TNIK: variants seen among roughly 807,000 people sequenced by gnomAD.
TNIK encodes TRAF2 and NCK-interacting protein kinase.
Under a neutral mutation model 191.3 loss-of-function variants are expected in TNIK, and 49 were observed. The ratio of observed to expected loss-of-function variants is 0.26; its 90% CI spans 0.20 to 0.32. The LOEUF is 0.32. Ranked by LOEUF, TNIK falls within the 10% of genes least tolerant of loss-of-function variation. The probability of loss-of-function intolerance (pLI) is 1.00; values close to 1 mark genes in which losing one functional copy is unlikely to be tolerated. For synonymous variants in TNIK, 594 were observed against 600.9 expected (o/e 0.99, Z 0.17); for missense variants, 1,155 against 1,702.3 (o/e 0.68, Z 5.66).
intron 2 of TNIK, among the ~76,000 whole-genome samples, chr3:171,295,025 GA>G (rs1033149968): frequency 2.7e-5 from 4 of 150,542 alleles, no homozygotes; most frequent in Non-Finnish European, 4.4e-5. Flanking sequence ...GAGAGAGAGA[GA>G]GGAAAAAAAA....
intron 28 of TNIK, among the ~76,000 whole-genome samples, chr3:171,078,558 G>C (rs971366262): frequency 2.6e-5 from 4 of 151,024 alleles, no homozygotes; most frequent in Non-Finnish European, 5.9e-5. Context: ...ATAGTTTCTT[G>C]CTTCCTTCCT....
intron 1 of TNIK, among the ~76,000 whole-genome samples, chr3:171,459,773 C>G (rs1190415140): frequency 6.6e-6 from 1 of 151,974 alleles, no homozygotes; most frequent in Non-Finnish European, 1.5e-5. Flanking sequence ...TCTACGAGCC[C>G]TCGGGAGAGC....
chr3:171,298,627 G>T (rs1269924409), intron 2 of TNIK, among the ~76,000 whole-genome samples: 3 of 152,178 alleles, frequency 2.0e-5, no homozygotes, highest in Admixed American at 1.3e-4. Context: ...TGCAGATGTT[G>T]TGGCTATAGG....
chr3:171,168,014 T>C (rs1314328981), intron 9 of TNIK, among the ~76,000 whole-genome samples: 1 of 152,176 alleles, frequency 6.6e-6, no homozygotes, highest in African/African-American at 2.4e-5. Context: ...AAATTTATCT[T>C]CCTCTAGAAA....
chr3:171,097,486 C>T (rs58791037), intron 22 of TNIK, among the ~76,000 whole-genome samples: 4,113 of 152,268 alleles, frequency 0.027, 185 homozygotes, highest in African/African-American at 0.087. Context: ...TCCATAATCC[C>T]ACGACATGGG....
intron 2 of TNIK, among the ~76,000 whole-genome samples, chr3:171,253,890 A>C (rs1746547565): frequency 6.6e-6 from 1 of 152,344 alleles, no homozygotes; most frequent in African/African-American, 2.4e-5. Context: ...GAAATCAATA[A>C]AACAAAGAAT....
chr3:171,212,285 A>C (rs1740930425), intron 3 of TNIK, among the ~76,000 whole-genome samples: 1 of 151,774 alleles, frequency 6.6e-6, no homozygotes, highest in African/African-American at 2.4e-5. Flanking sequence ...TCTTCACATA[A>C]GCTCTACTCA....
At chr3:171,249,933 C>A (rs1746045482) in intron 2 of TNIK, among the ~76,000 whole-genome samples, 1 of 152,166 alleles carries the variant, frequency 6.6e-6, no homozygotes, top group Non-Finnish European at 1.5e-5. Context: ...TAAGGTTTTA[C>A]ATGATTACTA....
At chr3:171,424,031 T>G (rs1258968573) in intron 1 of TNIK, among the ~76,000 whole-genome samples, 1 of 152,068 alleles carries the variant, frequency 6.6e-6, no homozygotes, top group Non-Finnish European at 1.5e-5. Context: ...GAAACTACCA[T>G]CAGAGTGAAC....
intron 2 of TNIK, among the ~76,000 whole-genome samples, chr3:171,272,903 C>T (rs1749289961): frequency 2.0e-5 from 3 of 152,186 alleles, no homozygotes; most frequent in Admixed American, 2.0e-4. Flanking sequence ...CCTGATTGTA[C>T]CCTTATGGCC....
chr3:171,187,164 C>A (rs1737467102), intron 7 of TNIK, among the ~76,000 whole-genome samples: 1 of 152,170 alleles, frequency 6.6e-6, no homozygotes, highest in Admixed American at 6.5e-5. Context: ...TTAGGTATAA[C>A]TATGGTTTGA....
intron 1 of TNIK, among the ~76,000 whole-genome samples, chr3:171,445,826 C>T (rs149646664): frequency 7.2e-5 from 11 of 152,170 alleles, no homozygotes; most frequent in African/African-American, 1.9e-4. Context: ...AACCACAATG[C>T]GTAGCCATTC....
chr3:171,359,964 G>A (rs1010305510), intron 2 of TNIK, among the ~76,000 whole-genome samples: 2 of 152,192 alleles, frequency 1.3e-5, no homozygotes, highest in African/African-American at 2.4e-5. Flanking sequence ...CATTAAGGGT[G>A]TTATGAGATC....
chr3:171,269,761 T>C (rs576356556), intron 2 of TNIK, among the ~76,000 whole-genome samples: 2 of 152,322 alleles, frequency 1.3e-5, no homozygotes, highest in South Asian at 4.1e-4. Flanking sequence ...CTTTGCTTCA[T>C]GTTTAGAGGG....
chr3:171,392,986 TG>T (rs1352738872), intron 1 of TNIK, among the ~76,000 whole-genome samples: 1 of 151,728 alleles, frequency 6.6e-6, no homozygotes, highest in Non-Finnish European at 1.5e-5. Flanking sequence ...AAAAAAAAAA[TG>T]AGCCTTCTCC....
At chr3:171,378,014 G>C (rs1271072640) in intron 1 of TNIK, among the ~76,000 whole-genome samples, 2 of 152,192 alleles carry the variant, frequency 1.3e-5, no homozygotes, top group Non-Finnish European at 2.9e-5. Flanking sequence ...TAACAATAGA[G>C]CCAGAGAATG....
chr3:171,343,411 C>T (rs2108409631), intron 2 of TNIK, among the ~76,000 whole-genome samples: 1 of 152,298 alleles, frequency 6.6e-6, no homozygotes, highest in South Asian at 2.1e-4. Context: ...ACCAAGGCTC[C>T]CTGAGCAGCC....
rs141108315 is a variant in TNIK at position 171,298,426 on chromosome 3, T to C, written c.124-70205A>G. ...TCTGTGGCAGAAACAAAAATGCTTA[T>C]TAAATATTCCCTCTGTTCCCTCGCA... On this transcript the variant is annotated intron_variant, in intron 2 of 32. Coordinates refer to ENST00000436636, the MANE Select transcript of TNIK (RefSeq NM_015028.4). 7.9e-5 allele frequency among the ~76,000 whole-genome samples: 12 copies of C among 152,360 alleles called. No homozygotes were observed. In the East Asian group the frequency reaches 2.3e-3, roughly 29 times the overall value.
chr3:171,459,937 CAG>C, intron 1 of TNIK, 68 bp downstream of exon 1: 3 of 1,490,108 alleles, frequency 2.0e-6, no homozygotes, highest in Non-Finnish European at 2.7e-6. Context: ...CCCCAGCCCC[CAG>C]TCCACGCACC....
Sources: allele counts gnomAD v4.1 joint callset (sites outside exome capture counted in the v4.1 genomes callset), GRCh38; gene constraint gnomAD v4.1.1; transcripts MANE v1.5; gene names NCBI Gene and HGNC (gene_info 2026-07-23, HGNC 2026-07-21).